The following CMKLR2 variants were observed in gnomAD, a reference collection of about 807,000 sequenced individuals.
CMKLR2 encodes chemerin chemokine-like receptor 2.
A neutral mutation model predicts 23.0 loss-of-function variants in CMKLR2; 18 were observed. That is an observed-to-expected ratio of 0.78 (90% confidence interval 0.54 to 1.16). The LOEUF is 1.16. Among genes scored for constraint, CMKLR2 ranks in the 50% most tolerant of loss-of-function variants. The pLI, the probability that CMKLR2 is intolerant of heterozygous loss-of-function variation, is 0.00. For synonymous variants in CMKLR2, 158 were observed against 158.9 expected (o/e 0.99, Z 0.05); for missense variants, 401 against 412.7 (o/e 0.97, Z 0.25).
At chr2:206,200,478 T>C (rs1031088073) in intron 1 of CMKLR2, among the ~76,000 whole-genome samples, 1 of 152,198 alleles carries the variant, frequency 6.6e-6, no homozygotes, top group Non-Finnish European at 1.5e-5. Context: ...TAGGCACATA[T>C]CTGCACTGTC....
intron 1 of CMKLR2, among the ~76,000 whole-genome samples, chr2:206,213,101 T>C (rs1465066516): frequency 6.6e-6 from 1 of 152,234 alleles, no homozygotes; most frequent in Admixed American, 6.5e-5. Context: ...TAGCGAACCC[T>C]GTAGGATCGT....
chr2:206,182,450 A>G (rs1431431484), intron 1 of CMKLR2, among the ~76,000 whole-genome samples: 2 of 152,208 alleles, frequency 1.3e-5, no homozygotes, highest in African/African-American at 2.4e-5. Flanking sequence ...AAGGACTGTC[A>G]TGGCTGTACC....
Position 206,179,295 on chromosome 2 carries a change from G to A in CMKLR2, c.-28-2020C>T, listed in dbSNP as rs187194957. The stretch of plus-strand genomic sequence containing the variant: ...TCTCCATGTTGGTCAGGGTGGTCTC[G>A]AACTCCCGACTTCCGGTGATTCGCC... On this transcript the variant is annotated intron_variant, in intron 1 of 1. Coordinates refer to ENST00000621141, the MANE Select transcript of CMKLR2 (RefSeq NM_001389445.1). Among the ~76,000 whole-genome samples the A allele has an allele frequency of 7.1e-3, 1,055 of 148,292 alleles. 18 individuals are homozygous for A. The highest frequency in any genetic ancestry group is 0.025 in the African/African-American group (1,004 of 40,324).
At chr2:206,207,872 AGCTGAGATTACAG>A (rs1175921572) in intron 1 of CMKLR2, among the ~76,000 whole-genome samples, 1 of 150,896 alleles carries the variant, frequency 6.6e-6, no homozygotes, top group Non-Finnish European at 1.5e-5. Context: ...TATCCCAAGT[AGCTGAGATTACAG>A]GCATGTGCCA....
chr2:206,207,745 T>TTTTTTTTTTTC (rs1689387711), intron 1 of CMKLR2, among the ~76,000 whole-genome samples: 1 of 126,666 alleles, frequency 7.9e-6, no homozygotes, highest in Non-Finnish European at 1.6e-5. Flanking sequence ...TTTTTTTTTT[T>TTTTTTTTTTTC]TTTTTTTTTT....
upstream of CMKLR2, among the ~76,000 whole-genome samples, chr2:206,214,007 C>T (rs1196846511): frequency 6.6e-6 from 1 of 151,878 alleles, no homozygotes; most frequent in Non-Finnish European, 1.5e-5. Context: ...GCACCTACCA[C>T]CACGCCCGGT....
At chr2:206,213,246 A>C (rs1270327728) in intron 1 of CMKLR2, 61 bp downstream of exon 1, 1 of 152,238 alleles carries the variant, frequency 6.6e-6, no homozygotes, top group African/African-American at 2.4e-5. Context: ...ATCTGCAGGA[A>C]TCCTCATCAG....
chr2:206,211,066 C>T (rs1236712741), intron 1 of CMKLR2, among the ~76,000 whole-genome samples: 1 of 152,184 alleles, frequency 6.6e-6, no homozygotes, highest in Non-Finnish European at 1.5e-5. Flanking sequence ...GGATTCTCCA[C>T]CTTTTTCAAG....
intron 1 of CMKLR2, among the ~76,000 whole-genome samples, chr2:206,191,975 G>A (rs1180781346): frequency 2.0e-5 from 3 of 151,174 alleles, no homozygotes; most frequent in African/African-American, 7.3e-5. Context: ...TGAGTAGCTG[G>A]GATTACAGGC....
chr2:206,186,675 G>A (rs1221727602), intron 1 of CMKLR2, among the ~76,000 whole-genome samples: 1 of 152,192 alleles, frequency 6.6e-6, no homozygotes, highest in South Asian at 2.1e-4. Context: ...CCCCAGCAAT[G>A]GTTAGGGAGC....
chr2:206,194,751 T>TC (rs1688866216), intron 1 of CMKLR2, among the ~76,000 whole-genome samples: 2 of 124,296 alleles, frequency 1.6e-5, no homozygotes, highest in South Asian at 5.8e-4. Flanking sequence ...AGACTTTTTT[T>TC]TTTTTTTTTT....
chr2:206,208,527 T>G (rs1400558784), intron 1 of CMKLR2, among the ~76,000 whole-genome samples: 2 of 152,076 alleles, frequency 1.3e-5, no homozygotes, highest in East Asian at 3.9e-4. Flanking sequence ...GAGAGAGCCA[T>G]GTTTCAAAAA....
chr2:206,203,073 T>G (rs1047286288), intron 1 of CMKLR2, among the ~76,000 whole-genome samples: 1 of 149,596 alleles, frequency 6.7e-6, no homozygotes, highest in Admixed American at 6.8e-5. Flanking sequence ...TCCCAGCATT[T>G]GGGAGGCCGA....
At chr2:206,195,471 AG>A (rs901122798) in intron 1 of CMKLR2, among the ~76,000 whole-genome samples, 2 of 152,186 alleles carry the variant, frequency 1.3e-5, no homozygotes, top group African/African-American at 4.8e-5. Flanking sequence ...GTGGGCACTA[AG>A]GGAGTTTGAT....
intron 1 of CMKLR2, among the ~76,000 whole-genome samples, chr2:206,195,547 T>C (rs956007369): frequency 6.6e-6 from 1 of 152,196 alleles, no homozygotes; most frequent in African/African-American, 2.4e-5. Context: ...TAAGTGGACT[T>C]TTCACATCAT....
At chr2:206,186,589 T>C (rs1183811526) in intron 1 of CMKLR2, among the ~76,000 whole-genome samples, 2 of 152,028 alleles carry the variant, frequency 1.3e-5, no homozygotes, top group East Asian at 3.9e-4. Flanking sequence ...AGAAGCTCAC[T>C]GGAGGAGGGA....
intron 1 of CMKLR2, among the ~76,000 whole-genome samples, chr2:206,202,607 C>T (rs1347209401): frequency 3.3e-5 from 5 of 152,010 alleles, no homozygotes; most frequent in Admixed American, 3.3e-4. Flanking sequence ...GCTGCAGGCG[C>T]GCCACCACGT....
chr2:206,189,639 G>GAA (rs559698014), intron 1 of CMKLR2, among the ~76,000 whole-genome samples: 3 of 111,900 alleles, frequency 2.7e-5, no homozygotes, highest in African/African-American at 6.6e-5. Context: ...CATCTAAAAA[G>GAA]AAAAAAAAAA....
chr2:206,199,645 G>A (rs1357866028), intron 1 of CMKLR2, among the ~76,000 whole-genome samples: 1 of 150,958 alleles, frequency 6.6e-6, no homozygotes, highest in Non-Finnish European at 1.5e-5. Flanking sequence ...TCCCAGGCTG[G>A]AGTGCAGTGG....
Sources: gnomAD v4.1 joint callset for allele counts (sites outside exome capture counted in the v4.1 genomes callset) on GRCh38, gnomAD v4.1.1 for gene constraint, MANE v1.5 for transcripts, NCBI Gene and HGNC (gene_info 2026-07-23, HGNC 2026-07-21) for gene names.